Variants in ARHGAP39 observed in about 807,000 individuals in gnomAD.
ARHGAP39 encodes the protein rho GTPase-activating protein 39.
ARHGAP39 carries 44 observed loss-of-function variants against 106.9 expected under a neutral mutation model. That is an observed-to-expected ratio of 0.41 (90% CI 0.32 to 0.53). The LOEUF is 0.53. ARHGAP39 is among the 20% of genes least tolerant of loss of function. The probability of loss-of-function intolerance (pLI) is 0.21; values close to 1 mark genes in which losing one functional copy is unlikely to be tolerated. For synonymous variants in ARHGAP39, 768 were observed against 693.2 expected, an observed-to-expected ratio of 1.11 and a Z score of -1.69; for missense variants, 1,496 against 1,577.3, an observed-to-expected ratio of 0.95 and a Z score of 0.87.
intron 1 of ARHGAP39, among the ~76,000 whole-genome samples, chr8:144,631,207 C>T (rs1286394534): frequency 6.6e-6 from 1 of 152,236 alleles, no homozygotes; most frequent in Non-Finnish European, 1.5e-5. Context: ...AAACACCTCC[C>T]GCCAGACCCC....
intron 4 of ARHGAP39, among the ~76,000 whole-genome samples, chr8:144,549,494 GTT>G (rs1344754449): frequency 6.6e-6 from 1 of 152,164 alleles, no homozygotes; most frequent in Non-Finnish European, 1.5e-5. Context: ...ACACCACGTG[GTT>G]TTGTTTTGTT....
rs776910796 is a variant in ARHGAP39 at position 144,547,830 on chromosome 8, G to A, written c.1256C>T (p.Ala419Val). The stretch of plus-strand genomic sequence containing the variant: ...GTACGAACCACCGCCGGGGTTGGGC[G>A]CGTACTTGTGCCGCGGGCCGGCGCG... ...KLRAGPRHKY[A>V]PNPGGGSYSL... is the part of the protein sequence containing the mutation. The change falls in exon 5 of 12, where the codon GCG becomes GTG. Residue 419 changes from alanine (A) to valine (V), a missense_variant. Physicochemically the swap from Ala to Val is moderately conservative, Grantham distance 64. This residue lies in a region of ARHGAP39 where 905 missense variants were observed against 816.4 expected (regional missense o/e 1.11). Transcript: ENST00000377307. This position sits in a 1 kb window ranked among gnomAD's most constrained non-coding sequence, Gnocchi z 5.2. 10 of 1,590,356 alleles carry A rather than the reference G, an allele frequency of 6.3e-6. No individual in the cohort carries two copies. The East Asian group carries it at 6.9e-5, about 11-fold the overall frequency.
chr8:144,691,079 T>G, the ARHGAP39 span, among the ~76,000 whole-genome samples: 3,013 of 152,280 alleles, frequency 0.02, 92 homozygotes, highest in African/African-American at 0.068. Flanking sequence ...GCTTCTTTCT[T>G]GGCAGCTCTT....
intron 1 of ARHGAP39, among the ~76,000 whole-genome samples, chr8:144,614,683 C>T (rs1222056702): frequency 6.6e-6 from 1 of 152,198 alleles, no homozygotes; most frequent in Non-Finnish European, 1.5e-5. Context: ...GTTTTGGATC[C>T]AGATACTTGG....
In ARHGAP39 at chr8:144,568,011, G is replaced by A. The variant is rs181746618; in HGVS notation, c.513-12368C>T. On this transcript the variant is annotated intron_variant, in intron 3 of 11. Coordinates refer to ENST00000377307, the MANE Select transcript of ARHGAP39 (RefSeq NM_025251.3). Reference sequence around the variant, plus strand: ...CTTGTGTCTTTATTTCTACAATCTCGTCTCCGCACATGGGGAGAAAACCCA... The same window carrying A: ...CTTGTGTCTTTATTTCTACAATCTCATCTCCGCACATGGGGAGAAAACCCA... 2.0e-3 allele frequency among the ~76,000 whole-genome samples: 308 copies of A among 152,042 alleles called. 1 individual carries two copies. The highest frequency in any genetic ancestry group is 6.9e-3 in the African/African-American group (288 of 41,448).
rs1426440621 is a variant in ARHGAP39, at chr8:144,604,400, G to A, written c.80+1135C>T. Reference sequence around the variant, plus strand: ...TATTTTACTTTATTTACTGTGACACGGGGGTCTCACGCAGTCGCTCAGGCC... The same window carrying A: ...TATTTTACTTTATTTACTGTGACACAGGGGTCTCACGCAGTCGCTCAGGCC... On this transcript the variant is annotated intron_variant, in intron 2 of 11. Transcript: ENST00000377307. This position sits in a 1 kb window ranked among gnomAD's most constrained non-coding sequence, Gnocchi z 4.1. Among the ~76,000 whole-genome samples the A allele has an allele frequency of 2.0e-5, 3 of 152,068 alleles. No homozygotes were observed. The highest frequency in any genetic ancestry group is 2.9e-5 in the Non-Finnish European group (2 of 68,014).
intron 3 of ARHGAP39, among the ~76,000 whole-genome samples, chr8:144,568,333 CAA>C (rs34670018): frequency 2.7e-4 from 13 of 47,302 alleles, no homozygotes; most frequent in African/African-American, 1.1e-3. Context: ...GACTCTGTCT[CAA>C]AAAAAAAAAA....
At chr8:144,637,164 A>G (rs1821192652) in intron 1 of ARHGAP39, among the ~76,000 whole-genome samples, 1 of 152,192 alleles carries the variant, frequency 6.6e-6, no homozygotes, top group Admixed American at 6.5e-5. Flanking sequence ...TAAAACTTTT[A>G]CTATCCAGGT....
chr8:144,593,376 A>G (rs1367005116), intron 2 of ARHGAP39, among the ~76,000 whole-genome samples: 1 of 152,150 alleles, frequency 6.6e-6, no homozygotes, highest in Non-Finnish European at 1.5e-5. Context: ...GTGGACGTCT[A>G]CCTGCAAACA....
intron 1 of ARHGAP39, among the ~76,000 whole-genome samples, chr8:144,620,697 A>C (rs567095160): frequency 2.0e-5 from 3 of 152,204 alleles, no homozygotes; most frequent in Non-Finnish European, 4.4e-5. Context: ...AACCCAATTC[A>C]GGTCCAGACC....
At chr8:144,668,838 G>C (rs1286152547) in intron 1 of ARHGAP39, among the ~76,000 whole-genome samples, 1 of 152,062 alleles carries the variant, frequency 6.6e-6, no homozygotes, top group Non-Finnish European at 1.5e-5. Flanking sequence ...AGTTCATATG[G>C]AAATTCAAGG....
At chr8:144,588,947 C>T (rs879365153) in intron 2 of ARHGAP39, among the ~76,000 whole-genome samples, 10 of 152,240 alleles carry the variant, frequency 6.6e-5, no homozygotes, top group African/African-American at 2.4e-4. Context: ...TCACCAAATG[C>T]CAGAAGAGGG....
At chr8:144,622,507 G>A (rs1003924823) in intron 1 of ARHGAP39, among the ~76,000 whole-genome samples, 1 of 151,928 alleles carries the variant, frequency 6.6e-6, no homozygotes, top group Non-Finnish European at 1.5e-5. Flanking sequence ...GCCCGGAGCC[G>A]CCCTCCCAGG....
At chr8:144,698,963 G>A in the ARHGAP39 span, 1 of 441,042 alleles carries the variant, frequency 2.3e-6, no homozygotes, top group Admixed American at 2.5e-5. Flanking sequence ...ACCCCAGTGA[G>A]AAGGCCCCAG....
chr8:144,677,190 ACATTTAGGTTGTCTC>A (rs1052025718), intron 1 of ARHGAP39, among the ~76,000 whole-genome samples: 1 of 152,248 alleles, frequency 6.6e-6, no homozygotes, highest in African/African-American at 2.4e-5. Flanking sequence ...CCGCTGATGG[ACATTTAGGTTGTCTC>A]CACTTTCTGG....
At position 144,547,050 on chromosome 8, in the gene ARHGAP39, G is replaced by A; in HGVS notation, c.1959+77C>T. 3 of 1,451,320 alleles carry A rather than the reference G, an allele frequency of 2.1e-6. No individual in the cohort carries two copies. Among genetic ancestry groups the A allele is most frequent in the Non-Finnish European group, 2.7e-6 (3 of 1,096,730 alleles). 89.9% of individuals were successfully genotyped at this position (1,451,320 alleles called of 1,614,324 possible). On this transcript the variant is annotated intron_variant, in intron 5 of 11. Coordinates refer to ENST00000377307, the MANE Select transcript of ARHGAP39 (RefSeq NM_025251.3). This position sits in a 1 kb window ranked among gnomAD's most constrained non-coding sequence, Gnocchi z 5.2. ...GCACGCCCTGGACGCCAGGTCTCCT[G>A]TGCCTGGCCCACGGGGTCCACTCTG... is the stretch of plus-strand genomic sequence containing the variant.
At chr8:144,631,439 T>C (rs1397254284) in intron 1 of ARHGAP39, among the ~76,000 whole-genome samples, 1 of 152,260 alleles carries the variant, frequency 6.6e-6, no homozygotes, top group Non-Finnish European at 1.5e-5. Flanking sequence ...GCATTTTTTC[T>C]GTTCTCTGAA....
intron 1 of ARHGAP39, among the ~76,000 whole-genome samples, chr8:144,685,271 CAG>C (rs1369066297): frequency 6.8e-6 from 1 of 147,332 alleles, no homozygotes. Flanking sequence ...TCACTCTGGA[CAG>C]GGGCACACCC....
At chr8:144,656,807 C>CA (rs35058065) in intron 1 of ARHGAP39, among the ~76,000 whole-genome samples, 3,202 of 42,082 alleles carry the variant, frequency 0.076, 693 homozygotes, top group East Asian at 0.35. Context: ...GACTCCATCT[C>CA]AAAAAAAAAA....
Sources: allele counts gnomAD v4.1 joint callset (sites outside exome capture counted in the v4.1 genomes callset), GRCh38; gene constraint gnomAD v4.1.1; regional missense constraint gnomAD v4.1.1; non-coding constraint Gnocchi (gnomAD v3.1); transcripts MANE v1.5; gene names NCBI Gene and HGNC (gene_info 2026-07-23, HGNC 2026-07-21).